The following ADH1B variants were observed in gnomAD, a reference collection of about 807,000 sequenced individuals.
The protein encoded by ADH1B is alcohol dehydrogenase 1B (class I), beta polypeptide, also known as all-trans-retinol dehydrogenase [NAD(+)] ADH1B.
In ADH1B, 29 loss-of-function variants were observed where a neutral mutation model predicts 34.6. The ratio of observed to expected loss-of-function variants is 0.84; its 90% CI spans 0.62 to 1.14. The LOEUF is 1.14. Among genes scored for constraint, ADH1B ranks in the 50% most tolerant of loss-of-function variants. ADH1B has a pLI of 0.00. For synonymous variants in ADH1B, 170 were observed against 175.5 expected, an observed-to-expected ratio of 0.97 and a Z score of 0.25; for missense variants, 424 against 468.4, an observed-to-expected ratio of 0.91 and a Z score of 0.87.
chr4:99,309,543 C>A (rs1733696146), intron 8 of ADH1B, among the ~76,000 whole-genome samples: 1 of 152,140 alleles, frequency 6.6e-6, no homozygotes, highest in Non-Finnish European at 1.5e-5. Flanking sequence ...TATTTGCCAT[C>A]ATCTTTTCAA....
At position 99,307,603 on chromosome 4, in the gene ADH1B, T is replaced by A. The variant is rs183895202; in HGVS notation, c.*237A>T. On this transcript the variant is annotated 3_prime_UTR_variant, in exon 9 of 9. Transcript: ENST00000305046. ...ACAGTAGAATGGTTAAGAAGGAAGG[T>A]TTGTTGGCTTCAATTCCCCAGCTGA... 1.8e-6 allele frequency: 1 copy of A among 567,332 alleles called. No homozygotes were observed. Among genetic ancestry groups the A allele is most frequent in the African/African-American group, 1.9e-5 (1 of 52,146 alleles). 35.1% of individuals were successfully genotyped at this position (567,332 alleles called of 1,614,324 possible).
rs28913908 is a variant in ADH1B, at chr4:99,320,755, CT to C, written c.18+558del. ...CCCTGAATTGTATCATAATGGACCC[CT>C]TTTAATCAGAATTTGCATGTTGATG... is the stretch of plus-strand genomic sequence containing the variant. On this transcript the variant is annotated intron_variant, in intron 1 of 8. Coordinates refer to ENST00000305046, the MANE Select transcript of ADH1B (RefSeq NM_000668.6). 1,216 of 1,097,210 alleles carry C rather than the reference CT, an allele frequency of 1.1e-3. 8 individuals are homozygous for C. The African/African-American group carries it at 0.018, about 17-fold the overall frequency. 68.0% of individuals were successfully genotyped at this position (1,097,210 alleles called of 1,614,324 possible). A position where few individuals can be genotyped will look rare whatever the true frequency, so the allele number is the denominator to read the frequency against.
At chr4:99,313,686 A>G (rs966384260) in intron 6 of ADH1B, 135 bp downstream of exon 6, 27 of 1,501,398 alleles carry the variant, frequency 1.8e-5, no homozygotes, top group African/African-American at 9.8e-5. Flanking sequence ...TAAACAAGCC[A>G]CATAACAAAC....
At chr4:99,310,289 A>G (rs1011227856) in intron 8 of ADH1B, 13 of 388,326 alleles carry the variant, frequency 3.3e-5, no homozygotes, top group Non-Finnish European at 5.9e-5. Context: ...AAAACTAGTA[A>G]TATCTACCTA....
intron 5 of ADH1B, 144 bp from the exon 6 acceptor site, chr4:99,314,225 A>G: frequency 3.7e-6 from 5 of 1,348,826 alleles, no homozygotes; most frequent in African/African-American, 1.5e-5. Flanking sequence ...TTTTGGCTTC[A>G]GTTGCTTTAT....
In ADH1B at chr4:99,316,066, G is replaced by T; in HGVS notation, c.399C>A (p.Cys133Ter). ...TLQDGTRRFT[C>*]RGKPIHHFLG... Reference sequence around the variant, plus strand: ...GGAAGTGGTGAATGGGCTTCCCCCTGCAGGTGAACCTCCTGGTGCCATCCT... The same window carrying T: ...GGAAGTGGTGAATGGGCTTCCCCCTTCAGGTGAACCTCCTGGTGCCATCCT... The change falls in exon 5 of 9, where the codon TGC (cysteine) becomes TGA (stop). Residue 133 changes from cysteine (C) to a stop codon, truncating the protein, a stop_gained. Coordinates refer to ENST00000305046, the MANE Select transcript of ADH1B (RefSeq NM_000668.6). LOFTEE classifies it high-confidence loss of function. 6.2e-7 allele frequency: 1 copy of T among 1,614,182 alleles called. No individual in the cohort carries two copies. Among genetic ancestry groups the T allele is most frequent in the Non-Finnish European group, 8.5e-7 (1 of 1,180,036 alleles).
chr4:99,308,385 A>G (rs1427492654), intron 8 of ADH1B, among the ~76,000 whole-genome samples: 1 of 148,774 alleles, frequency 6.7e-6, no homozygotes, highest in Admixed American at 6.8e-5. Context: ...TTGGGATTCA[A>G]ACCCAAATAC....
chr4:99,308,109 T>A (rs1241768336), intron 8 of ADH1B, among the ~76,000 whole-genome samples: 4 of 152,160 alleles, frequency 2.6e-5, no homozygotes, highest in Non-Finnish European at 5.9e-5. Flanking sequence ...TCATTTCAAT[T>A]CTACATTAAT....
Position 99,313,808 on chromosome 4 carries a change from T to C in ADH1B, c.828+13A>G, listed in dbSNP as rs1490448413. ...GCAGAGGCAGAAATCTCAGGGCATGTCATGGTACATACCATGGTGTCAAGC... is the reference window on the plus strand; with the variant it reads ...GCAGAGGCAGAAATCTCAGGGCATGCCATGGTACATACCATGGTGTCAAGC... On this transcript the variant is annotated intron_variant, in intron 6 of 8. Coordinates refer to ENST00000305046, the MANE Select transcript of ADH1B (RefSeq NM_000668.6). The C allele has an allele frequency of 1.2e-6, 2 of 1,614,062 alleles. No individual in the cohort carries two copies. Among genetic ancestry groups the C allele is most frequent in the Admixed American group, 3.3e-5 (2 of 60,018 alleles).
intron 1 of ADH1B, chr4:99,319,150 T>C (rs1292499958): frequency 9.7e-6 from 5 of 513,904 alleles, no homozygotes; most frequent in Non-Finnish European, 1.8e-5. Context: ...TGTTGTTTTT[T>C]CTCTGAAGGT....
At chr4:99,310,646 C>A (rs2110630535) in intron 8 of ADH1B, 119 bp downstream of exon 8, 1 of 1,355,852 alleles carries the variant, frequency 7.4e-7, no homozygotes, top group Admixed American at 2.7e-5. Context: ...AAAGACTGAA[C>A]TGGTAATGGA....
In ADH1B at chr4:99,311,505, G is replaced by A. The variant is rs768646243; in HGVS notation, c.964+16C>T. The A allele has an allele frequency of 3.7e-6, 6 of 1,610,988 alleles. No individual in the cohort carries two copies. Among genetic ancestry groups the A allele is most frequent in the South Asian group, 3.3e-5 (3 of 90,464 alleles). On this transcript the variant is annotated intron_variant, in intron 7 of 8. Transcript: ENST00000305046. ...TGAGATTAATGAGAATTTGGCACTT[G>A]AGCCCAACTACATACCACCATAAAC... is the stretch of plus-strand genomic sequence containing the variant.
rs56951572 is a variant in ADH1B at position 99,305,561 on chromosome 4, G to GTATATATA, written c.*2271_*2278dup. 1 of 49,374 alleles carries GTATATATA rather than the reference G, an allele frequency of 2.0e-5. No individual in the cohort carries two copies. Among genetic ancestry groups the GTATATATA allele is most frequent in the Non-Finnish European group, 3.7e-5 (1 of 26,700 alleles). 3.1% of individuals were successfully genotyped at this position (49,374 alleles called of 1,614,324 possible). Reference sequence around the variant, plus strand: ...CTATATGAACCACTTGCCCCATAGTGTATATATATATATATATATATATAT... The same window carrying GTATATATA: ...CTATATGAACCACTTGCCCCATAGTGTATATATATATATATATATATATATATATATAT... On this transcript the variant is annotated 3_prime_UTR_variant, in exon 9 of 9. Coordinates refer to ENST00000305046, the MANE Select transcript of ADH1B (RefSeq NM_000668.6).
Position 99,318,828 on chromosome 4 carries a change from TCCTCAATGGAAAAGGGTTTCTTTA to T in ADH1B, c.53_76del (p.Val18_Glu25del), listed in dbSNP as rs1733951470. The T allele has an allele frequency of 6.2e-7, 1 of 1,613,826 alleles. No individual in the cohort carries two copies. Among genetic ancestry groups the T allele is most frequent in the South Asian group, 1.1e-5 (1 of 91,076 alleles). Reference sequence around the variant, plus strand: ...AGCCTTAGGAGGTGCAACCTCCACATCCTCAATGGAAAAGGGTTTCTTTACCTCCCATAGCACAGCTGCTTTGCA... The same window carrying T: ...AGCCTTAGGAGGTGCAACCTCCACATCCTCCCATAGCACAGCTGCTTTGCA... On this transcript the variant is annotated inframe_deletion, in exon 2 of 9. Coordinates refer to ENST00000305046, the MANE Select transcript of ADH1B (RefSeq NM_000668.6).
At chr4:99,319,560 G>GGTGTGTGT (rs1238963253) in intron 1 of ADH1B, 1 of 154,754 alleles carries the variant, frequency 6.5e-6, no homozygotes, top group African/African-American at 2.4e-5. Context: ...TAGAGTTGGT[G>GGTGTGTGT]GTGTGTGTGT....
At position 99,314,040 on chromosome 4, in the gene ADH1B, C is replaced by G. The variant is rs763218108; in HGVS notation, c.609G>C (p.Gly203=). The change falls in exon 6 of 9, where the codon GGG becomes GGC. Residue 203 remains glycine (G), a synonymous_variant. Transcript: ENST00000305046. ...GSTCAVFGLG[G]VGLSAVMGCK... The stretch of plus-strand genomic sequence containing the variant: ...AGCCCATAACAGCAGATAGGCCGAC[C>G]CCTCCCAGGCCAAACACAGCACAGG... 2.5e-6 allele frequency: 4 copies of G among 1,614,204 alleles called. No homozygotes were observed. In the South Asian group the frequency reaches 4.4e-5, roughly 18 times the overall value.
In ADH1B at chr4:99,318,500, C is replaced by A. The variant is rs947743540; in HGVS notation, c.120+285G>T. The A allele has an allele frequency of 1.8e-5, 9 of 507,760 alleles. 1 individual carries two copies. In the East Asian group the frequency reaches 2.9e-4, roughly 17 times the overall value. The allele number at this position is 507,760 out of a possible 1,614,324, so 31.5% of individuals were successfully genotyped here. A position where few individuals can be genotyped will look rare whatever the true frequency, so the allele number is the denominator to read the frequency against. The stretch of plus-strand genomic sequence containing the variant: ...TAGCAAAGTAACACATGGAAAATAT[C>A]TAATATTAATTGATTTTGAAGTCTT... On this transcript the variant is annotated intron_variant, in intron 2 of 8. Transcript: ENST00000305046.
Position 99,316,154 on chromosome 4 carries a change from G to A in ADH1B, c.348-37C>T. 3 of 1,614,086 alleles carry A rather than the reference G, an allele frequency of 1.9e-6. No homozygotes were observed. In the South Asian group the frequency reaches 3.3e-5, roughly 18 times the overall value. Reference sequence around the variant, plus strand: ...AATACACAGACACACAAAGGCATGAGACAGGAGCATAAGTAATGTGCAAAC... The same window carrying A: ...AATACACAGACACACAAAGGCATGAAACAGGAGCATAAGTAATGTGCAAAC... On this transcript the variant is annotated intron_variant, in intron 4 of 8. Coordinates refer to ENST00000305046, the MANE Select transcript of ADH1B (RefSeq NM_000668.6).
At chr4:99,311,774 T>G in intron 6 of ADH1B, 118 bp from the exon 7 acceptor site, 1 of 1,432,896 alleles carries the variant, frequency 7.0e-7, no homozygotes, top group Non-Finnish European at 9.4e-7. Context: ...GAAGAGATCA[T>G]GTCTTTTGAT....
Sources: allele counts gnomAD v4.1 joint callset (sites outside exome capture counted in the v4.1 genomes callset), GRCh38; gene constraint gnomAD v4.1.1; transcripts MANE v1.5; gene names NCBI Gene and HGNC (gene_info 2026-07-23, HGNC 2026-07-21).